STXBP5L: variants seen among roughly 807,000 people sequenced by gnomAD.
STXBP5L encodes syntaxin binding protein 5L, also known as syntaxin-binding protein 5-like.
In STXBP5L, 65 loss-of-function variants were observed where a neutral mutation model predicts 144.5. The ratio of observed to expected loss-of-function variants is 0.45; its 90% CI spans 0.37 to 0.55. The LOEUF is 0.55. Ranked by LOEUF, STXBP5L falls within the 20% of genes least tolerant of loss-of-function variation. STXBP5L has a pLI of 0.00. For synonymous variants in STXBP5L, 505 were observed against 469.6 expected (o/e 1.08, Z -0.97); for missense variants, 1,298 against 1,405.5 (o/e 0.92, Z 1.22).
intron 3 of STXBP5L, among the ~76,000 whole-genome samples, chr3:120,976,485 CA>C (rs1386075202): frequency 1.3e-4 from 20 of 152,188 alleles, no homozygotes; most frequent in African/African-American, 4.6e-4. Context: ...TTGATCATTT[CA>C]AAAAATCAGC....
intron 20 of STXBP5L, among the ~76,000 whole-genome samples, chr3:121,338,884 G>A (rs966379936): frequency 1.3e-5 from 2 of 152,054 alleles, no homozygotes; most frequent in African/African-American, 2.4e-5. Context: ...ACAACAAGCA[G>A]TGAGATTGAA....
chr3:121,047,183 A>G (rs1947576138), intron 5 of STXBP5L, among the ~76,000 whole-genome samples: 1 of 151,682 alleles, frequency 6.6e-6, no homozygotes, highest in African/African-American at 2.4e-5. Context: ...CTTAGTATTG[A>G]TTTTTATTTT....
At chr3:121,389,818 T>C (rs941383393) in intron 22 of STXBP5L, among the ~76,000 whole-genome samples, 19 of 152,214 alleles carry the variant, frequency 1.2e-4, no homozygotes, top group Non-Finnish European at 2.8e-4. Flanking sequence ...ATGTGGTCAA[T>C]TTTGGAACAA....
intron 5 of STXBP5L, among the ~76,000 whole-genome samples, chr3:121,094,455 C>T (rs548398479): frequency 1.1e-4 from 16 of 151,836 alleles, no homozygotes; most frequent in Admixed American, 5.2e-4. Flanking sequence ...TCTGGGTGCT[C>T]CTGTATTGGG....
At chr3:121,130,069 G>T (rs1479835654) in intron 7 of STXBP5L, among the ~76,000 whole-genome samples, 8 of 152,088 alleles carry the variant, frequency 5.3e-5, no homozygotes, top group Admixed American at 5.3e-4. Flanking sequence ...CCAAAAGTCT[G>T]CCAGTTTTGA....
At chr3:120,926,801 A>C (rs1016738571) in intron 2 of STXBP5L, among the ~76,000 whole-genome samples, 1 of 152,138 alleles carries the variant, frequency 6.6e-6, no homozygotes, top group Non-Finnish European at 1.5e-5. Flanking sequence ...CCCCTGCTTC[A>C]TACATTTAGC....
intron 22 of STXBP5L, among the ~76,000 whole-genome samples, chr3:121,383,283 TTAA>T (rs2046359148): frequency 6.6e-6 from 1 of 151,766 alleles, no homozygotes; most frequent in Non-Finnish European, 1.5e-5. Context: ...CAAATAATTT[TTAA>T]AAATTAGCCA....
intron 7 of STXBP5L, among the ~76,000 whole-genome samples, chr3:121,124,466 T>A (rs2044612914): frequency 6.6e-6 from 1 of 152,008 alleles, no homozygotes; most frequent in Admixed American, 6.6e-5. Flanking sequence ...TTTTGCTATA[T>A]AACTATAAAT....
chr3:121,202,071 T>C (rs926617597), intron 9 of STXBP5L, among the ~76,000 whole-genome samples: 1 of 152,034 alleles, frequency 6.6e-6, no homozygotes, highest in Non-Finnish European at 1.5e-5. Context: ...TCTCCTTTTT[T>C]TGTCCAATTT....
chr3:121,319,920 C>G (rs1283122689), intron 20 of STXBP5L, among the ~76,000 whole-genome samples: 1 of 151,992 alleles, frequency 6.6e-6, no homozygotes, highest in African/African-American at 2.4e-5. Context: ...AGTTTGAAGA[C>G]CAGCCTGGGC....
chr3:121,329,357 C>T (rs2044250967), intron 20 of STXBP5L, among the ~76,000 whole-genome samples: 2 of 152,132 alleles, frequency 1.3e-5, no homozygotes, highest in African/African-American at 2.4e-5. Context: ...TCTCCAGGTG[C>T]TTTAAGATCT....
In STXBP5L at chr3:120,955,133, T is replaced by G. The variant is rs73185491; in HGVS notation, c.287+96T>G. ...ATAAATATTTATGACCAAATAAAGT[T>G]TATTATTTTTTAAGAAATGAGTAAC... On this transcript the variant is annotated intron_variant, in intron 3 of 26. Transcript: ENST00000471454. 0.16 allele frequency: 132,682 copies of G among 852,136 alleles called. 12,132 individuals are homozygous for G. Among genetic ancestry groups the G allele is most frequent in the Non-Finnish European group, 0.19 (106,428 of 562,256 alleles). 52.8% of individuals were successfully genotyped at this position (852,136 alleles called of 1,614,324 possible). A position where few individuals can be genotyped will look rare whatever the true frequency, so the allele number is the denominator to read the frequency against.
At chr3:121,358,068 G>A (rs545646279) in intron 20 of STXBP5L, 1 of 152,200 alleles carries the variant, frequency 6.6e-6, no homozygotes, top group South Asian at 2.1e-4. Flanking sequence ...ACCATATAAT[G>A]GACAATGGGA....
At chr3:120,919,045 T>C (rs1209110192) in intron 2 of STXBP5L, among the ~76,000 whole-genome samples, 3 of 152,096 alleles carry the variant, frequency 2.0e-5, no homozygotes, top group African/African-American at 7.2e-5. Context: ...GTTGTACTAT[T>C]TTGTGATGCT....
At chr3:121,203,738 AAAAATGCTTTAATATGTAC>A (rs2048227667) in intron 9 of STXBP5L, among the ~76,000 whole-genome samples, 1 of 152,224 alleles carries the variant, frequency 6.6e-6, no homozygotes, top group African/African-American at 2.4e-5. Flanking sequence ...TATATTGATT[AAAAATGCTTTAATATGTAC>A]AAACAACTGC....
In STXBP5L at chr3:121,259,173, GTAAT is replaced by G. The variant is rs765484844; in HGVS notation, c.1958+9_1958+12del. ...TGTAAGCTCAGCATATGGAATGTAA[GTAAT>G]TAAACTTTTTTATGATATGTATTAT... On this transcript the variant is annotated splice_donor_region_variant and intron_variant, in intron 18 of 26. Transcript: ENST00000471454. 2.6e-6 allele frequency: 4 copies of G among 1,532,174 alleles called. No individual in the cohort carries two copies. The highest frequency in any genetic ancestry group is 2.6e-6 in the Non-Finnish European group (3 of 1,137,696). The allele number at this position is 1,532,174 out of a possible 1,614,324, so 94.9% of individuals were successfully genotyped here. A position where few individuals can be genotyped will look rare whatever the true frequency, so the allele number is the denominator to read the frequency against.
At chr3:120,934,070 T>A (rs1009153266) in intron 2 of STXBP5L, among the ~76,000 whole-genome samples, 15 of 150,820 alleles carry the variant, frequency 9.9e-5, no homozygotes, top group Non-Finnish European at 3.0e-5. Context: ...CTAATTTATT[T>A]CTTTCCCTAG....
chr3:121,409,044 A>G (rs2047059553), intron 23 of STXBP5L, among the ~76,000 whole-genome samples: 1 of 152,080 alleles, frequency 6.6e-6, no homozygotes, highest in East Asian at 1.9e-4. Flanking sequence ...CATCCAGCAG[A>G]GGTTTAGCAA....
chr3:121,019,843 C>T (rs879380748), intron 3 of STXBP5L, among the ~76,000 whole-genome samples: 29 of 152,196 alleles, frequency 1.9e-4, no homozygotes, highest in Admixed American at 1.5e-3. Flanking sequence ...AACACAATTC[C>T]GGTAATATGA....
Sources: gnomAD v4.1 joint callset for allele counts (sites outside exome capture counted in the v4.1 genomes callset) on GRCh38, gnomAD v4.1.1 for gene constraint, MANE v1.5 for transcripts, NCBI Gene and HGNC (gene_info 2026-07-23, HGNC 2026-07-21) for gene names.